The following LTBP2 variants were observed in gnomAD, a reference collection of about 807,000 sequenced individuals.
The protein encoded by LTBP2 is latent-transforming growth factor beta-binding protein 2.
Under a neutral mutation model 210.6 loss-of-function variants are expected in LTBP2, and 103 were observed. That is an observed-to-expected ratio of 0.49 (90% CI 0.42 to 0.58). LTBP2 has a LOEUF of 0.58. Ranked by LOEUF, LTBP2 falls within the 20% of genes least tolerant of loss-of-function variation. The pLI, the probability that LTBP2 is intolerant of heterozygous loss-of-function variation, is 0.00. For missense variants in LTBP2, 2,313 were observed against 2,494.5 expected, an observed-to-expected ratio of 0.93 and a Z score of 1.55; for synonymous variants, 1,007 against 1,015.0, an observed-to-expected ratio of 0.99 and a Z score of 0.15.
At chr14:74,540,809 A>AG (rs1491126915) in intron 8 of LTBP2, among the ~76,000 whole-genome samples, 1 of 63,816 alleles carries the variant, frequency 1.6e-5, no homozygotes, top group African/African-American at 5.5e-5. Context: ...ATATATATAT[A>AG]ATATATATAT....
At chr14:74,530,438 A>G (rs1017152223) in intron 10 of LTBP2, among the ~76,000 whole-genome samples, 2 of 152,268 alleles carry the variant, frequency 1.3e-5, no homozygotes, top group Non-Finnish European at 2.9e-5. Context: ...AGAGCAGGAC[A>G]TGCCCTGCAG....
chr14:74,522,283 C>A (rs999150450), intron 16 of LTBP2, among the ~76,000 whole-genome samples: 1 of 152,176 alleles, frequency 6.6e-6, no homozygotes, highest in African/African-American at 2.4e-5. Context: ...CCCCTCGACT[C>A]CTTCCCCCAG....
At chr14:74,596,269 T>TA (rs1566654029) in intron 2 of LTBP2, among the ~76,000 whole-genome samples, 13,557 of 119,064 alleles carry the variant, frequency 0.11, 1,026 homozygotes, top group African/African-American at 0.22. Context: ...AAATAAAAAT[T>TA]AAAAACAAAG....
chr14:74,577,001 T>C (rs918195349), intron 3 of LTBP2, among the ~76,000 whole-genome samples: 4 of 152,084 alleles, frequency 2.6e-5, no homozygotes, highest in Non-Finnish European at 4.4e-5. Context: ...TAATGCTTAG[T>C]GATGTTAAGT....
intron 3 of LTBP2, among the ~76,000 whole-genome samples, chr14:74,582,814 A>G (rs905749168): frequency 6.6e-6 from 1 of 152,214 alleles, no homozygotes; most frequent in African/African-American, 2.4e-5. Context: ...GCATGTTGAC[A>G]AGTTCCCAGG....
intron 2 of LTBP2, among the ~76,000 whole-genome samples, chr14:74,595,918 T>C (rs1214061215): frequency 6.6e-6 from 1 of 152,036 alleles, no homozygotes; most frequent in East Asian, 1.9e-4. Context: ...TGGAGCAGGA[T>C]GGGCGTGGTT....
Position 74,552,282 on chromosome 14 carries a change from T to C in LTBP2, c.1304A>G (p.Asp435Gly). 1 of 1,613,334 alleles carries C rather than the reference T, an allele frequency of 6.2e-7. No homozygotes were observed. The highest frequency in any genetic ancestry group is 1.1e-5 in the South Asian group (1 of 91,070). ...GGACCCCCTCCCTGGAGGCTCCCTGTCCGGCTGCGGGATAGGCAGGTGGCA... is the reference window on the plus strand; with the variant it reads ...GGACCCCCTCCCTGGAGGCTCCCTGCCCGGCTGCGGGATAGGCAGGTGGCA... ...KFCHLPIPQP[D>G]REPPGRGSRP... is the part of the protein sequence containing the mutation. Residue 435 changes from aspartate (D) to glycine (G), a missense_variant, in exon 6 of 36, where the codon GAC becomes GGC. This residue lies in a region of LTBP2 where 1,867 missense variants were observed against 1,976.9 expected (regional missense o/e 0.94). Coordinates refer to ENST00000261978, the MANE Select transcript of LTBP2 (RefSeq NM_000428.3).
At chr14:74,535,162 G>A (rs1245892593) in intron 9 of LTBP2, among the ~76,000 whole-genome samples, 5 of 151,976 alleles carry the variant, frequency 3.3e-5, no homozygotes, top group Middle Eastern at 3.2e-3. Context: ...GCTTATCCAC[G>A]GGCTAGGAAT....
intron 17 of LTBP2, among the ~76,000 whole-genome samples, chr14:74,519,518 A>C (rs903360523): frequency 6.6e-6 from 1 of 150,586 alleles, no homozygotes; most frequent in African/African-American, 2.4e-5. Context: ...GATTTATATT[A>C]ATTATATATA....
chr14:74,501,114 C>T, intron 35 of LTBP2, 85 bp from the exon 36 acceptor site: 5 of 1,478,496 alleles, frequency 3.4e-6, no homozygotes, highest in Non-Finnish European at 4.6e-6. Flanking sequence ...AAGCCCTGGC[C>T]ACTGCCCTAG....
At chr14:74,572,136 C>T (rs563034852) in intron 3 of LTBP2, among the ~76,000 whole-genome samples, 18 of 152,268 alleles carry the variant, frequency 1.2e-4, no homozygotes, top group African/African-American at 2.9e-4. Flanking sequence ...CACAGACAGA[C>T]GAATACACCC....
chr14:74,588,089 C>T (rs947707140), intron 2 of LTBP2, among the ~76,000 whole-genome samples: 14 of 152,252 alleles, frequency 9.2e-5, no homozygotes, highest in Non-Finnish European at 1.8e-4. Context: ...TCAAGACCCA[C>T]TTCCCCATGC....
At chr14:74,559,895 G>A (rs2087772460) in intron 3 of LTBP2, 1 of 152,166 alleles carries the variant, frequency 6.6e-6, no homozygotes, top group African/African-American at 2.4e-5. Flanking sequence ...CAATGAGAAG[G>A]TGACCACAGC....
In LTBP2 at chr14:74,549,883, G is replaced by A. The variant is rs1333824636; in HGVS notation, c.1769C>T (p.Ala590Val). 1.9e-6 allele frequency: 3 copies of A among 1,614,024 alleles called. No homozygotes were observed. The East Asian group carries it at 6.7e-5, about 36-fold the overall frequency. Residue 590 changes from alanine to valine, a missense_variant, in exon 8 of 36, where the codon GCC becomes GTC. This residue lies in a region of LTBP2 where 1,867 missense variants were observed against 1,976.9 expected (regional missense o/e 0.94). Transcript: ENST00000261978. ...VGAFWGVTLC[A>V]PCPPRPASPV... is the part of the protein sequence containing the mutation. Reference sequence around the variant, plus strand: ...CTCACCTGGTCTGGGTGGGCATGGGGCACACAAAGTCACCCCCCAGAAGGC... The same window carrying A: ...CTCACCTGGTCTGGGTGGGCATGGGACACACAAAGTCACCCCCCAGAAGGC...
intron 5 of LTBP2, 93 bp from the exon 6 acceptor site, chr14:74,552,486 C>T: frequency 8.2e-7 from 1 of 1,213,896 alleles, no homozygotes; most frequent in Non-Finnish European, 1.2e-6. Context: ...GGCGGCAGAA[C>T]CCTGACCCTA....
In LTBP2 at chr14:74,500,957, C is replaced by T. The variant is rs145172405; in HGVS notation, c.5393G>A (p.Gly1798Asp). Reference sequence around the variant, plus strand: ...CGGGGAGCAGTGGCAGCGGTAGGAGCCCTCTGTGTTCTCGCAGTAACCATG... The same window carrying T: ...CGGGGAGCAGTGGCAGCGGTAGGAGTCCTCTGTGTTCTCGCAGTAACCATG... Reference protein sequence around the residue: ...CVHGYCENTEGSYRCHCSPGY... With the variant: ...CVHGYCENTEDSYRCHCSPGY... The change falls in exon 36 of 36, where the codon GGC becomes GAC. Residue 1798 changes from glycine (G) to aspartate (D), a missense_variant. Gly to Asp is a moderately conservative substitution (Grantham distance 94). Coordinates refer to ENST00000261978, the MANE Select transcript of LTBP2 (RefSeq NM_000428.3). The T allele has an allele frequency of 6.2e-7, 1 of 1,614,166 alleles. No homozygotes were observed. The highest frequency in any genetic ancestry group is 8.5e-7 in the Non-Finnish European group (1 of 1,180,032).
intron 17 of LTBP2, among the ~76,000 whole-genome samples, chr14:74,521,595 C>T (rs1407329039): frequency 2.0e-5 from 3 of 152,186 alleles, no homozygotes; most frequent in South Asian, 2.1e-4. Context: ...CCTTGTCACT[C>T]GGAGTTTGGG....
chr14:74,568,725 G>A (rs1056970893), intron 3 of LTBP2, among the ~76,000 whole-genome samples: 3 of 152,052 alleles, frequency 2.0e-5, no homozygotes, highest in Non-Finnish European at 4.4e-5. Context: ...ACTTACTTAA[G>A]GTCACATAGT....
chr14:74,552,111 C>A (rs1446743402), intron 6 of LTBP2, 76 bp downstream of exon 6: 3 of 1,407,620 alleles, frequency 2.1e-6, no homozygotes, highest in Non-Finnish European at 2.9e-6. Flanking sequence ...CTATCCCTGT[C>A]ACAGCCATGG....
Sources: gnomAD v4.1 joint callset for allele counts (sites outside exome capture counted in the v4.1 genomes callset) on GRCh38, gnomAD v4.1.1 for gene constraint, gnomAD v4.1.1 regional missense constraint, MANE v1.5 for transcripts, NCBI Gene and HGNC (gene_info 2026-07-23, HGNC 2026-07-21) for gene names.